The following SCAI variants were observed in gnomAD, a reference collection of about 807,000 sequenced individuals.
SCAI encodes suppressor of cancer cell invasion, also known as protein SCAI.
A neutral mutation model predicts 92.2 loss-of-function variants in SCAI; 24 were observed. That is an observed-to-expected ratio of 0.26 (90% CI 0.19 to 0.37). SCAI has a LOEUF of 0.37. Among genes scored for constraint, SCAI ranks in the 10% least tolerant of loss-of-function variants. SCAI has a pLI of 1.00. For synonymous variants in SCAI, 261 were observed against 258.6 expected (o/e 1.01, Z -0.09); for missense variants, 450 against 736.2 (o/e 0.61, Z 4.50).
intron 3 of SCAI, among the ~76,000 whole-genome samples, chr9:125,052,486 C>T (rs1457270259): frequency 1.3e-5 from 2 of 151,616 alleles, no homozygotes; most frequent in Non-Finnish European, 1.5e-5. Context: ...CGGTGGGTGC[C>T]GAGGCAGGAG....
rs1832212759 is a variant in SCAI at position 124,995,108 on chromosome 9, T to C, written c.1245-93A>G. 9 of 839,572 alleles carry C rather than the reference T, an allele frequency of 1.1e-5. No individual in the cohort carries two copies. In the South Asian group the frequency reaches 1.6e-4, roughly 15 times the overall value. The allele number at this position is 839,572 out of a possible 1,614,324, so 52.0% of individuals were successfully genotyped here. On this transcript the variant is annotated intron_variant, in intron 13 of 17. Coordinates refer to ENST00000336505, the MANE Select transcript of SCAI (RefSeq NM_001144877.3). ...TTGGTCTGCTCATATCTCCTTTGCA[T>C]CATAGCACTGAGAGAAAAACAAAGA...
At chr9:125,090,924 C>G (rs546629647) in intron 2 of SCAI, among the ~76,000 whole-genome samples, 238 of 152,232 alleles carry the variant, frequency 1.6e-3, no homozygotes, top group African/African-American at 5.5e-3. Context: ...CGAGACCATC[C>G]TGGCCAACAT....
rs927683284 is a variant in SCAI at position 124,955,713 on chromosome 9, C to T, written c.1675-2760G>A. Among the ~76,000 whole-genome samples the T allele has an allele frequency of 2.7e-5, 4 of 150,672 alleles. No homozygotes were observed. In the East Asian group the frequency reaches 7.8e-4, roughly 29 times the overall value. ...AAAAACGAAAGTTAATGGAAGTTTA[C>T]CAAGACAGAAAAAGAAAGAAAAAAC... On this transcript the variant is annotated intron_variant, in intron 17 of 17. Transcript: ENST00000336505.
At chr9:125,105,610 G>T (rs891422828) in intron 2 of SCAI, among the ~76,000 whole-genome samples, 1 of 152,140 alleles carries the variant, frequency 6.6e-6, no homozygotes, top group East Asian at 1.9e-4. Flanking sequence ...GTAGAAATGG[G>T]CAATATATTT....
chr9:125,123,888 A>G (rs748902153), intron 2 of SCAI, among the ~76,000 whole-genome samples: 3 of 152,280 alleles, frequency 2.0e-5, no homozygotes, highest in Non-Finnish European at 4.4e-5. Flanking sequence ...AAGAATTTCC[A>G]GGACACTGTC....
At chr9:125,020,327 A>G (rs1314543736) in intron 7 of SCAI, among the ~76,000 whole-genome samples, 1 of 152,184 alleles carries the variant, frequency 6.6e-6, no homozygotes, top group Non-Finnish European at 1.5e-5. Flanking sequence ...AGGCCTTTGT[A>G]AAGCATTATG....
At chr9:125,063,869 T>C (rs560149514) in intron 2 of SCAI, among the ~76,000 whole-genome samples, 1 of 152,074 alleles carries the variant, frequency 6.6e-6, no homozygotes, top group East Asian at 1.9e-4. Context: ...TTTTCCTGCC[T>C]CAGCCTCCCA....
chr9:125,038,709 G>A (rs1217709158), intron 3 of SCAI, among the ~76,000 whole-genome samples: 6 of 152,150 alleles, frequency 3.9e-5, no homozygotes, highest in Admixed American at 3.9e-4. Context: ...GAGATCATCT[G>A]CAGTTCTTCC....
At chr9:125,055,776 G>A in intron 3 of SCAI, 100 bp downstream of exon 3, 2 of 854,012 alleles carry the variant, frequency 2.3e-6, no homozygotes, top group Non-Finnish European at 3.5e-6. Flanking sequence ...AAATTTATAT[G>A]ACATTCTACC....
At chr9:125,032,191 A>ATTTTTT (rs1254303558) in intron 3 of SCAI, among the ~76,000 whole-genome samples, 10 of 80,626 alleles carry the variant, frequency 1.2e-4, no homozygotes, top group African/African-American at 4.9e-4. Context: ...ATATATATAT[A>ATTTTTT]TATATTTTTT....
At chr9:125,073,811 A>C (rs1232911254) in intron 2 of SCAI, among the ~76,000 whole-genome samples, 1 of 152,214 alleles carries the variant, frequency 6.6e-6, no homozygotes, top group Admixed American at 6.5e-5. Flanking sequence ...AGAGTACAGG[A>C]TTTAATCACT....
intron 14 of SCAI, among the ~76,000 whole-genome samples, chr9:124,988,282 C>G (rs1240279814): frequency 6.6e-6 from 1 of 152,050 alleles, no homozygotes; most frequent in Non-Finnish European, 1.5e-5. Flanking sequence ...CCCCTCAGAG[C>G]TTCTGATCAG....
intron 2 of SCAI, among the ~76,000 whole-genome samples, chr9:125,068,005 G>A (rs1433569169): frequency 6.6e-6 from 1 of 152,186 alleles, no homozygotes; most frequent in African/African-American, 2.4e-5. Flanking sequence ...ATGAAAGTCT[G>A]AAAGAAATCT....
At chr9:125,106,865 T>C (rs1475777972) in intron 2 of SCAI, among the ~76,000 whole-genome samples, 8 of 39,180 alleles carry the variant, frequency 2.0e-4, no homozygotes, top group African/African-American at 7.6e-4. Flanking sequence ...CATGCCTGGT[T>C]AATTTTTTTT....
At chr9:125,004,300 TAAC>T (rs1303366738) in intron 9 of SCAI, among the ~76,000 whole-genome samples, 1 of 150,932 alleles carries the variant, frequency 6.6e-6, no homozygotes, top group African/African-American at 2.4e-5. Flanking sequence ...AGTTTTTCAC[TAAC>T]ACCACAAGGA....
intron 9 of SCAI, 147 bp downstream of exon 9, chr9:125,018,652 A>G (rs901860875): frequency 7.9e-6 from 5 of 631,508 alleles, no homozygotes; most frequent in Non-Finnish European, 1.3e-5. Flanking sequence ...TATCTGTAAT[A>G]TATTCCATAT....
intron 17 of SCAI, among the ~76,000 whole-genome samples, chr9:124,957,185 G>T (rs2131573827): frequency 6.6e-6 from 1 of 151,628 alleles, no homozygotes; most frequent in African/African-American, 2.4e-5. Flanking sequence ...GTAGAGACAG[G>T]GTTTCACCAT....
intron 9 of SCAI, among the ~76,000 whole-genome samples, chr9:125,008,754 G>A (rs138094451): frequency 6.6e-5 from 10 of 152,264 alleles, no homozygotes; most frequent in Admixed American, 2.0e-4. Flanking sequence ...AGTCCTAGAA[G>A]TGGAGCAGAG....
chr9:124,960,954 A>G (rs990480172), intron 17 of SCAI, among the ~76,000 whole-genome samples: 7 of 151,914 alleles, frequency 4.6e-5, no homozygotes, highest in Admixed American at 6.6e-5. Context: ...CCATCTCTAC[A>G]AAAAAATTTA....
Sources: gnomAD v4.1 joint callset for allele counts (sites outside exome capture counted in the v4.1 genomes callset) on GRCh38, gnomAD v4.1.1 for gene constraint, MANE v1.5 for transcripts, NCBI Gene and HGNC (gene_info 2026-07-23, HGNC 2026-07-21) for gene names.